The following PTPN3 variants were observed in gnomAD, a reference collection of about 807,000 sequenced individuals.
The protein encoded by PTPN3 is protein tyrosine phosphatase non-receptor type 3.
In PTPN3, 96 loss-of-function variants were observed where a neutral mutation model predicts 132.7. The ratio of observed to expected loss-of-function variants is 0.72; its 90% CI spans 0.61 to 0.86. The LOEUF (loss-of-function observed/expected upper bound fraction) is 0.86, where lower values mean the gene tolerates loss of function less well. Ranked by LOEUF, PTPN3 falls within the 40% of genes least tolerant of loss-of-function variation. The pLI, the probability that PTPN3 is intolerant of heterozygous loss-of-function variation, is 0.00. For missense variants in PTPN3, 1,125 were observed against 1,159.6 expected (o/e 0.97, Z 0.43); for synonymous variants, 398 against 429.0 (o/e 0.93, Z 0.89).
chr9:109,535,770 G>A, the PTPN3 span, among the ~76,000 whole-genome samples: 2 of 152,152 alleles, frequency 1.3e-5, no homozygotes, highest in Admixed American at 6.5e-5. Context: ...GCCTCTCAGA[G>A]TGCTGAGACT....
chr9:109,528,526 C>T, the PTPN3 span, among the ~76,000 whole-genome samples: 2 of 152,130 alleles, frequency 1.3e-5, no homozygotes, highest in African/African-American at 4.8e-5. Flanking sequence ...ACAGGCAAAA[C>T]AGATCAATGG....
chr9:109,461,539 T>A (rs1164348809), intron 2 of PTPN3, among the ~76,000 whole-genome samples: 1 of 152,196 alleles, frequency 6.6e-6, no homozygotes, highest in African/African-American at 2.4e-5. Context: ...GAGGGTCGCC[T>A]GAGCTCAGGA....
At chr9:109,422,262 C>A (rs942922495) in intron 13 of PTPN3, among the ~76,000 whole-genome samples, 1 of 152,228 alleles carries the variant, frequency 6.6e-6, no homozygotes, top group Non-Finnish European at 1.5e-5. Flanking sequence ...CTGCTACTTA[C>A]TGATGTGCAT....
chr9:109,441,602 T>C (rs1588433021), intron 7 of PTPN3, among the ~76,000 whole-genome samples: 2 of 152,334 alleles, frequency 1.3e-5, no homozygotes, highest in Non-Finnish European at 2.9e-5. Flanking sequence ...GGTACAGACC[T>C]CTATGTGGCA....
chr9:109,411,186 T>TA (rs1842053005), intron 14 of PTPN3, among the ~76,000 whole-genome samples: 1 of 152,200 alleles, frequency 6.6e-6, no homozygotes, highest in Non-Finnish European at 1.5e-5. Context: ...AGCGCTGTCT[T>TA]AGAGAGTTAC....
chr9:109,425,242 CTTATTCAGT>C (rs1427026228), intron 12 of PTPN3, among the ~76,000 whole-genome samples: 2 of 152,212 alleles, frequency 1.3e-5, no homozygotes, highest in African/African-American at 4.8e-5. Flanking sequence ...AAATTAGCTA[CTTATTCAGT>C]TTACAAGTTC....
intron 19 of PTPN3, among the ~76,000 whole-genome samples, chr9:109,395,414 T>C (rs1206689430): frequency 6.6e-6 from 1 of 152,232 alleles, no homozygotes; most frequent in African/African-American, 2.4e-5. Context: ...CATATTTATG[T>C]CTGCAAAGGC....
At chr9:109,428,905 T>G (rs1032205810) in intron 10 of PTPN3, 1 of 985,318 alleles carries the variant, frequency 1.0e-6, no homozygotes, top group Non-Finnish European at 1.2e-6. Flanking sequence ...CACTGGATTA[T>G]GATGTAGCTT....
chr9:109,506,890 A>T, the PTPN3 span, among the ~76,000 whole-genome samples: 1 of 152,376 alleles, frequency 6.6e-6, no homozygotes, highest in African/African-American at 2.4e-5. Context: ...GGCATGAGCC[A>T]CAGTGCCCAG....
intron 16 of PTPN3, among the ~76,000 whole-genome samples, chr9:109,408,794 A>T (rs372724979): frequency 0.19 from 16,083 of 86,806 alleles, 1,289 homozygotes; most frequent in South Asian, 0.28. Context: ...AAAAAAAAAA[A>T]AAATATATAT....
intron 19 of PTPN3, among the ~76,000 whole-genome samples, chr9:109,399,716 G>A (rs1840908567): frequency 6.6e-6 from 1 of 151,712 alleles, no homozygotes; most frequent in East Asian, 1.9e-4. Context: ...CTCGCAGAAG[G>A]GAATTAAGGC....
At chr9:109,516,738 C>G in the PTPN3 span, among the ~76,000 whole-genome samples, 1 of 152,182 alleles carries the variant, frequency 6.6e-6, no homozygotes, top group Non-Finnish European at 1.5e-5. Flanking sequence ...AAGGCAAAGA[C>G]TCTTGCTAGG....
chr9:109,440,632 G>A (rs796549167), intron 7 of PTPN3, among the ~76,000 whole-genome samples: 13 of 152,328 alleles, frequency 8.5e-5, no homozygotes, highest in African/African-American at 2.9e-4. Flanking sequence ...GACTTTTCCT[G>A]ATCCTCAAGG....
chr9:109,488,651 T>C (rs918142861), intron 1 of PTPN3, among the ~76,000 whole-genome samples: 14 of 152,162 alleles, frequency 9.2e-5, no homozygotes, highest in African/African-American at 2.9e-4. Flanking sequence ...CTATAATAAT[T>C]TGTAATCCAG....
intron 24 of PTPN3, among the ~76,000 whole-genome samples, chr9:109,382,000 C>T (rs1250234371): frequency 1.3e-5 from 2 of 152,240 alleles, no homozygotes; most frequent in African/African-American, 4.8e-5. Flanking sequence ...AAGAGGGCCA[C>T]TGTGAAGTGC....
At chr9:109,480,086 G>A (rs1028868208) in intron 1 of PTPN3, among the ~76,000 whole-genome samples, 2 of 152,178 alleles carry the variant, frequency 1.3e-5, no homozygotes, top group African/African-American at 4.8e-5. Flanking sequence ...ATGATGCTGA[G>A]CATCTTTTCA....
chr9:109,503,149 C>CA (rs1254222466), upstream of PTPN3, among the ~76,000 whole-genome samples: 4 of 151,754 alleles, frequency 2.6e-5, no homozygotes, highest in African/African-American at 4.8e-5. Flanking sequence ...CAGAATTGCT[C>CA]AAAAAAAAGT....
intron 14 of PTPN3, among the ~76,000 whole-genome samples, chr9:109,416,286 G>C (rs969894583): frequency 1.3e-5 from 2 of 152,128 alleles, no homozygotes; most frequent in East Asian, 1.9e-4. Flanking sequence ...GTGGGCACCT[G>C]GGCTGTCTAA....
At chr9:109,532,782 C>T in the PTPN3 span, 2 of 517,724 alleles carry the variant, frequency 3.9e-6, no homozygotes, top group African/African-American at 2.0e-5. Context: ...CATATTTCTT[C>T]TTGTTGGATG....
Sources: allele counts gnomAD v4.1 joint callset (sites outside exome capture counted in the v4.1 genomes callset), GRCh38; gene constraint gnomAD v4.1.1; transcripts MANE v1.5; gene names NCBI Gene and HGNC (gene_info 2026-07-23, HGNC 2026-07-21).